UBE2E2: variants seen among roughly 807,000 people sequenced by gnomAD.
UBE2E2 encodes ubiquitin conjugating enzyme E2 E2, also known as ubiquitin-conjugating enzyme E2 E2.
Under a neutral mutation model 24.7 loss-of-function variants are expected in UBE2E2, and 6 were observed. The observed-to-expected ratio is 0.24, with a 90% CI of 0.13 to 0.48. The LOEUF (loss-of-function observed/expected upper bound fraction) is 0.48, where lower values mean the gene tolerates loss of function less well. Among genes scored for constraint, UBE2E2 ranks in the 20% least tolerant of loss-of-function variants. The pLI is 0.99. For synonymous variants in UBE2E2, 104 were observed against 83.6 expected (o/e 1.24, Z -1.33); for missense variants, 169 against 245.0 (o/e 0.69, Z 2.07).
intron 3 of UBE2E2, among the ~76,000 whole-genome samples, chr3:23,484,374 C>T (rs755257185): frequency 6.6e-5 from 10 of 152,204 alleles, no homozygotes; most frequent in African/African-American, 1.9e-4. Flanking sequence ...TTTCTCAGGT[C>T]GGTGCTGAAA....
At chr3:23,246,733 C>T (rs978665024) in intron 3 of UBE2E2, among the ~76,000 whole-genome samples, 3 of 152,014 alleles carry the variant, frequency 2.0e-5, no homozygotes, top group Non-Finnish European at 4.4e-5. Flanking sequence ...AAAAATGAAA[C>T]ATTTTATAAG....
chr3:23,474,260 T>C lies in UBE2E2; in HGVS notation c.228-25348T>C, dbSNP rs1343207762. 6.6e-6 allele frequency among the ~76,000 whole-genome samples: 1 copy of C among 152,102 alleles called. No individual in the cohort carries two copies. The highest frequency in any genetic ancestry group is 2.4e-5 in the African/African-American group (1 of 41,330). On this transcript the variant is annotated intron_variant, in intron 3 of 5. Transcript: ENST00000396703. This position sits in a 1 kb window ranked among gnomAD's most constrained non-coding sequence, Gnocchi z 4.0. Reference sequence around the variant, plus strand: ...TGTTGTTTTTCTCCTGTTAATTGTTTAAGTACCTTGTAGATTCTGGATATT... The same window carrying C: ...TGTTGTTTTTCTCCTGTTAATTGTTCAAGTACCTTGTAGATTCTGGATATT...
intron 3 of UBE2E2, among the ~76,000 whole-genome samples, chr3:23,497,714 T>A (rs1163750571): frequency 1.3e-5 from 2 of 152,218 alleles, no homozygotes; most frequent in East Asian, 3.8e-4. Flanking sequence ...TCAATATTTC[T>A]AGGCTAGTGC....
intron 3 of UBE2E2, among the ~76,000 whole-genome samples, chr3:23,491,484 G>T (rs988040062): frequency 3.3e-5 from 5 of 152,194 alleles, no homozygotes; most frequent in Non-Finnish European, 7.3e-5. Context: ...TTGCAGCCAA[G>T]TTAAGAACTA....
At chr3:23,487,127 A>G (rs1699390028) in intron 3 of UBE2E2, among the ~76,000 whole-genome samples, 1 of 152,222 alleles carries the variant, frequency 6.6e-6, no homozygotes, top group Non-Finnish European at 1.5e-5. Context: ...GAGGCGGCCA[A>G]GGTGGTGGGG....
At position 23,589,375 on chromosome 3, in the gene UBE2E2, A is replaced by G. The variant is rs1409691536; in HGVS notation, c.509-359A>G. On this transcript the variant is annotated intron_variant, in intron 5 of 5. Coordinates refer to ENST00000396703, the MANE Select transcript of UBE2E2 (RefSeq NM_152653.4). The surrounding 1 kb of genome is among the most constrained non-coding windows in gnomAD (Gnocchi z 4.1). ...GAGGTCAAGGCTACACTGAGCTGTGATCATGCCACTGCACTCTAGCCTGAG... is the reference window on the plus strand; with the variant it reads ...GAGGTCAAGGCTACACTGAGCTGTGGTCATGCCACTGCACTCTAGCCTGAG... 2.0e-5 allele frequency among the ~76,000 whole-genome samples: 3 copies of G among 151,890 alleles called. No individual in the cohort carries two copies. The highest frequency in any genetic ancestry group is 7.3e-5 in the African/African-American group (3 of 41,352).
At chr3:23,267,889 G>C (rs777292724) in intron 3 of UBE2E2, among the ~76,000 whole-genome samples, 6,037 of 150,542 alleles carry the variant, frequency 0.04, 369 homozygotes, top group African/African-American at 0.14. Flanking sequence ...TGGGATGCAA[G>C]GCTGGTTCAA....
rs555448245 is a variant in UBE2E2 at position 23,274,522 on chromosome 3, A to AT, written c.227+57221dup. Among the ~76,000 whole-genome samples the AT allele has an allele frequency of 5.3e-3, 773 of 146,602 alleles. 4 individuals are homozygous for AT. The highest frequency in any genetic ancestry group is 0.017 in the African/African-American group (675 of 40,184). ...AGGCGCGCACCACCATGCCTGGCTA[A>AT]TTTTTTTTTTTGTATTTTTTATAGA... is the stretch of plus-strand genomic sequence containing the variant. On this transcript the variant is annotated intron_variant, in intron 3 of 5. Coordinates refer to ENST00000396703, the MANE Select transcript of UBE2E2 (RefSeq NM_152653.4).
At chr3:23,506,211 G>A (rs776303622) in intron 4 of UBE2E2, among the ~76,000 whole-genome samples, 5 of 152,148 alleles carry the variant, frequency 3.3e-5, no homozygotes, top group South Asian at 2.1e-4. Flanking sequence ...ACCTGAGTTC[G>A]TGCATTCATA....
chr3:23,238,674 A>G (rs1697180212), intron 3 of UBE2E2, among the ~76,000 whole-genome samples: 1 of 152,226 alleles, frequency 6.6e-6, no homozygotes, highest in Admixed American at 6.5e-5. Flanking sequence ...CATATTCATA[A>G]TGAGCGATCT....
intron 3 of UBE2E2, among the ~76,000 whole-genome samples, chr3:23,465,220 A>G (rs1029039817): frequency 6.6e-6 from 1 of 152,180 alleles, no homozygotes; most frequent in African/African-American, 2.4e-5. Context: ...CTGAAGTAGA[A>G]TTGCTTAAAG....
At chr3:23,508,605 G>A (rs1194411631) in intron 4 of UBE2E2, among the ~76,000 whole-genome samples, 11 of 152,288 alleles carry the variant, frequency 7.2e-5, no homozygotes. Flanking sequence ...AAGAGGTGGT[G>A]GTGAATCAGC....
At chr3:23,382,245 A>C (rs6799132) in intron 3 of UBE2E2, among the ~76,000 whole-genome samples, 5 of 148,212 alleles carry the variant, frequency 3.4e-5, no homozygotes, top group Admixed American at 6.7e-5. Flanking sequence ...GCAGTGGCGC[A>C]ATCTCGGCTC....
At chr3:23,349,067 G>C (rs1321839712) in intron 3 of UBE2E2, among the ~76,000 whole-genome samples, 1 of 152,176 alleles carries the variant, frequency 6.6e-6, no homozygotes, top group East Asian at 1.9e-4. Context: ...TTTCAAGAGG[G>C]AGGAGGAGGC....
rs1697394654 is a variant in UBE2E2 at position 23,407,646 on chromosome 3, C to CGTGT, written c.228-91962_228-91961insGTGT. Among the ~76,000 whole-genome samples the CGTGT allele has an allele frequency of 2.1e-5, 2 of 93,590 alleles. No homozygotes were observed. The highest frequency in any genetic ancestry group is 1.1e-4 in the Admixed American group (1 of 8,800). 61.4% of individuals were successfully genotyped at this position (93,590 alleles called of 152,430 possible). On this transcript the variant is annotated intron_variant, in intron 3 of 5. Coordinates refer to ENST00000396703, the MANE Select transcript of UBE2E2 (RefSeq NM_152653.4). This position sits in a 1 kb window ranked among gnomAD's most constrained non-coding sequence, Gnocchi z 4.0. ...GTGTGTGTTTGTGTGTGCATGCGTG[C>CGTGT]ATGTGTGTGTGTGTGTGTGTGTGTG...
intron 3 of UBE2E2, among the ~76,000 whole-genome samples, chr3:23,367,381 G>T (rs1409177347): frequency 6.6e-6 from 1 of 152,108 alleles, no homozygotes; most frequent in Non-Finnish European, 1.5e-5. Flanking sequence ...GATTAGAGGG[G>T]TGGGGCTGAA....
At chr3:23,209,961 T>C (rs1696273967) in intron 2 of UBE2E2, among the ~76,000 whole-genome samples, 1 of 152,108 alleles carries the variant, frequency 6.6e-6, no homozygotes, top group African/African-American at 2.4e-5. Context: ...GAGACCTGTA[T>C]ACTAGACCAT....
chr3:23,293,381 G>T (rs1698823549), intron 3 of UBE2E2, among the ~76,000 whole-genome samples: 1 of 152,198 alleles, frequency 6.6e-6, no homozygotes, highest in Non-Finnish European at 1.5e-5. Flanking sequence ...ACATGAAGGA[G>T]TTGAGATCAA....
intron 4 of UBE2E2, among the ~76,000 whole-genome samples, chr3:23,512,207 T>TTTTC (rs1694612177): frequency 6.6e-6 from 1 of 150,924 alleles, no homozygotes; most frequent in Admixed American, 6.6e-5. Context: ...TTTTTTTTTT[T>TTTTC]TTTCTATTTA....
Sources: gnomAD v4.1 joint callset for allele counts (sites outside exome capture counted in the v4.1 genomes callset) on GRCh38, gnomAD v4.1.1 for gene constraint, Gnocchi (gnomAD v3.1) non-coding constraint, MANE v1.5 for transcripts, NCBI Gene and HGNC (gene_info 2026-07-23, HGNC 2026-07-21) for gene names.